IFI16: variants seen among roughly 807,000 people sequenced by gnomAD.
IFI16 encodes the protein interferon gamma inducible protein 16.
In IFI16, 49 loss-of-function variants were observed where a neutral mutation model predicts 68.4. That is an observed-to-expected ratio of 0.72 (90% CI 0.57 to 0.91). The LOEUF (loss-of-function observed/expected upper bound fraction) is 0.91. Among genes scored for constraint, IFI16 ranks in the 40% least tolerant of loss-of-function variants. IFI16 has a pLI of 0.00. For synonymous variants in IFI16, 307 were observed against 315.0 expected (o/e 0.97, Z 0.27); for missense variants, 878 against 942.9 (o/e 0.93, Z 0.90).
At chr1:159,016,009 A>G (rs1017737131) in intron 3 of IFI16, 22 bp downstream of exon 3, 12 of 1,507,136 alleles carry the variant, frequency 8.0e-6, no homozygotes, top group Non-Finnish European at 1.1e-5. Flanking sequence ...GAAGAGGAGC[A>G]GGCTTCAAGT....
At chr1:159,034,249 G>T (rs746411157) in intron 7 of IFI16, among the ~76,000 whole-genome samples, 7 of 152,172 alleles carry the variant, frequency 4.6e-5, no homozygotes, top group Non-Finnish European at 1.0e-4. Context: ...GAAAGAGAAA[G>T]AGTAATTTAA....
intron 2 of IFI16, 31 bp from the exon 3 acceptor site, chr1:159,015,841 T>C (rs747629421): frequency 1.3e-6 from 2 of 1,499,538 alleles, no homozygotes; most frequent in East Asian, 4.5e-5. Flanking sequence ...TTTTTCTGCA[T>C]TGGTTGGGAA....
At chr1:159,027,694 C>T (rs1571858866) in intron 6 of IFI16, among the ~76,000 whole-genome samples, 1 of 151,978 alleles carries the variant, frequency 6.6e-6, no homozygotes. Context: ...TTTTTATTAC[C>T]ATTTCAATAT....
chr1:159,022,525 CCCGA>C (rs1437287625), intron 6 of IFI16, among the ~76,000 whole-genome samples: 1 of 152,118 alleles, frequency 6.6e-6, no homozygotes, highest in Non-Finnish European at 1.5e-5. Flanking sequence ...CTGTATTTGT[CCCGA>C]CTGGCTAGCA....
Position 159,015,859 on chromosome 1 carries a change from G to A in IFI16, c.266-13G>A. The A allele has an allele frequency of 1.3e-6, 2 of 1,563,530 alleles. No homozygotes were observed. The highest frequency in any genetic ancestry group is 1.7e-4 in the Middle Eastern group (1 of 5,950). The stretch of plus-strand genomic sequence containing the variant: ...TTCTGCATTGGTTGGGAATAAAATT[G>A]AATCTATTCCAGTAAAAGGACCAGC... On this transcript the variant is annotated splice_polypyrimidine_tract_variant and intron_variant, in intron 2 of 11. Transcript: ENST00000295809.
intron 1 of IFI16, among the ~76,000 whole-genome samples, chr1:159,012,400 C>T (rs1954199): frequency 4.3e-4 from 66 of 152,246 alleles, no homozygotes; most frequent in African/African-American, 1.5e-3. Flanking sequence ...TTACTAGAAA[C>T]TCCATTGGGA....
intron 6 of IFI16, among the ~76,000 whole-genome samples, chr1:159,027,173 G>T (rs1313369956): frequency 6.6e-6 from 1 of 152,114 alleles, no homozygotes; most frequent in African/African-American, 2.4e-5. Context: ...TGTCATAGAC[G>T]GCTTTTATTA....
chr1:159,026,961 T>C (rs1001654512), intron 6 of IFI16, among the ~76,000 whole-genome samples: 1 of 152,154 alleles, frequency 6.6e-6, no homozygotes, highest in Non-Finnish European at 1.5e-5. Flanking sequence ...AGGTATACAA[T>C]CATATCATCA....
At chr1:159,001,158 C>T (rs1247782818), upstream of IFI16, among the ~76,000 whole-genome samples, 1 of 152,040 alleles carries the variant, frequency 6.6e-6, no homozygotes, top group Non-Finnish European at 1.5e-5. Context: ...ACATATTGTC[C>T]CATTTGTACA....
intron 6 of IFI16, among the ~76,000 whole-genome samples, chr1:159,022,484 G>A (rs1425933749): frequency 2.0e-5 from 3 of 152,184 alleles, no homozygotes; most frequent in African/African-American, 7.2e-5. Context: ...GCTGCGTTCG[G>A]TTTCCATTGG....
At chr1:159,042,170 C>G (rs1654688526) in intron 7 of IFI16, among the ~76,000 whole-genome samples, 1 of 152,150 alleles carries the variant, frequency 6.6e-6, no homozygotes, top group South Asian at 2.1e-4. Context: ...TCTATATGAT[C>G]CAGTAGCTCT....
intron 4 of IFI16, among the ~76,000 whole-genome samples, chr1:159,016,935 T>C (rs1652970237): frequency 6.6e-6 from 1 of 152,214 alleles, no homozygotes; most frequent in South Asian, 2.1e-4. Flanking sequence ...GAGAGAGCTA[T>C]GCAGTACAGA....
chr1:159,049,949 C>G (rs538391679), intron 9 of IFI16, among the ~76,000 whole-genome samples: 1 of 151,870 alleles, frequency 6.6e-6, no homozygotes, highest in South Asian at 2.1e-4. Context: ...TTTCCCCTTT[C>G]ATTTATTATA....
chr1:159,048,311 C>T (rs1236729490), intron 8 of IFI16, among the ~76,000 whole-genome samples: 1 of 151,386 alleles, frequency 6.6e-6, no homozygotes, highest in African/African-American at 2.4e-5. Context: ...CTTTATAACA[C>T]CATACAAAAA....
chr1:159,052,224 G>C, intron 10 of IFI16, 126 bp downstream of exon 10: 1 of 666,060 alleles, frequency 1.5e-6, no homozygotes, highest in East Asian at 2.7e-5. Context: ...CCTTCCCCCA[G>C]CACTAGAGAT....
intron 6 of IFI16, 120 bp downstream of exon 6, chr1:159,020,649 A>G: frequency 1.7e-6 from 1 of 601,784 alleles, no homozygotes; most frequent in Non-Finnish European, 2.9e-6. Context: ...GAGAAAACAG[A>G]TATTCTCCTT....
chr1:159,018,697 A>C, intron 5 of IFI16, 46 bp downstream of exon 5: 1 of 1,332,240 alleles, frequency 7.5e-7, no homozygotes, highest in Non-Finnish European at 1.1e-6. Flanking sequence ...CCAACACCTG[A>C]AATTAAAAGT....
intron 7 of IFI16, among the ~76,000 whole-genome samples, chr1:159,040,032 A>G (rs959861091): frequency 6.6e-6 from 1 of 152,226 alleles, no homozygotes; most frequent in Admixed American, 6.5e-5. Context: ...CCAATGCTGC[A>G]AATCCAACTG....
In IFI16 at chr1:159,052,021, A is replaced by C. The variant is rs1382499588; in HGVS notation, c.2008A>C (p.Ser670Arg). 1.9e-6 allele frequency: 3 copies of C among 1,614,068 alleles called. No homozygotes were observed. Among genetic ancestry groups the C allele is most frequent in the Non-Finnish European group, 2.5e-6 (3 of 1,179,936 alleles). ...CCCAAAAGGATTGATTAGAAGTGCC[A>C]GCGTAACTCCTAAAATCAATCAGCT... ...EIPKGLIRSA[S>R]VTPKINQLCS... is the part of the protein sequence containing the mutation. The change falls in exon 10 of 12, where the codon AGC becomes CGC. Residue 670 changes from serine to arginine, a missense_variant. Physicochemically the swap from Ser to Arg is moderately radical, Grantham distance 110. This residue lies in a region of IFI16 where 311 missense variants were observed against 305.1 expected (regional missense o/e 1.02). Transcript: ENST00000295809.
Sources: gnomAD v4.1 joint callset for allele counts (sites outside exome capture counted in the v4.1 genomes callset) on GRCh38, gnomAD v4.1.1 for gene constraint, gnomAD v4.1.1 regional missense constraint, MANE v1.5 for transcripts, NCBI Gene and HGNC (gene_info 2026-07-23, HGNC 2026-07-21) for gene names.